Variants in MGAT4C observed in about 807,000 individuals in gnomAD.
MGAT4C encodes alpha-1,3-mannosyl-glycoprotein 4-beta-N-acetylglucosaminyltransferase C.
Under a neutral mutation model 40.1 loss-of-function variants are expected in MGAT4C, and 19 were observed. The observed-to-expected ratio is 0.47, with a 90% CI of 0.33 to 0.70. MGAT4C has a LOEUF of 0.70. Among genes scored for constraint, MGAT4C ranks in the 30% least tolerant of loss-of-function variants. MGAT4C has a pLI of 0.02. For missense variants in MGAT4C, 491 were observed against 563.2 expected (o/e 0.87, Z 1.30); for synonymous variants, 181 against 187.1 (o/e 0.97, Z 0.27).
At position 86,820,351 on chromosome 12, in the gene MGAT4C, A is replaced by C. The variant is rs911737989; in HGVS notation, c.-262+18315T>G. Among the ~76,000 whole-genome samples, 5 of 150,772 alleles carry C rather than the reference A, an allele frequency of 3.3e-5. No homozygotes were observed. The Admixed American group carries it at 3.3e-4, about 10-fold the overall frequency. On this transcript the variant is annotated intron_variant, in intron 1 of 7. Transcript: ENST00000548651. ...TTTTCAGTGACTCAGTATGACAAAG[A>C]CTTCATTTCTACACAAATAACATTT...
Position 86,687,051 on chromosome 12 carries a change from T to C in MGAT4C, c.-229+40158A>G, listed in dbSNP as rs143313256. Among the ~76,000 whole-genome samples, 3 of 152,354 alleles carry C rather than the reference T, an allele frequency of 2.0e-5. No homozygotes were observed. In the East Asian group the frequency reaches 5.8e-4, roughly 29 times the overall value. ...TTATTGCCCTATTCAGGGATTTGAC[T>C]TCTTCCTGGTTTAGTCTTTGGATGA... On this transcript the variant is annotated intron_variant, in intron 2 of 7. Transcript: ENST00000548651.
chr12:86,316,044 G>T (rs1271337594), intron 4 of MGAT4C, among the ~76,000 whole-genome samples: 1 of 76,626 alleles, frequency 1.3e-5, no homozygotes, highest in African/African-American at 5.2e-5. Flanking sequence ...CAGAAGACAT[G>T]AATGGAAATT....
At chr12:86,029,142 T>C (rs1188417660) in intron 2 of MGAT4C, among the ~76,000 whole-genome samples, 1 of 151,932 alleles carries the variant, frequency 6.6e-6, no homozygotes, top group South Asian at 2.1e-4. Context: ...ATAACCATCA[T>C]ATTTAGCTTT....
chr12:86,314,617 ACAATAATCAGTGGCATTTCTGC>A (rs1243764209), intron 4 of MGAT4C, among the ~76,000 whole-genome samples: 3 of 152,268 alleles, frequency 2.0e-5, no homozygotes, highest in Non-Finnish European at 2.9e-5. Flanking sequence ...AAGTCAATGT[ACAATAATCAGTGGCATTTCTGC>A]CAATAATCAG....
At chr12:85,993,394 A>G (rs1002509280) in intron 2 of MGAT4C, among the ~76,000 whole-genome samples, 65 of 152,314 alleles carry the variant, frequency 4.3e-4, no homozygotes, top group African/African-American at 1.4e-3. Flanking sequence ...CCCTCATGAT[A>G]AAATGAGAGA....
At chr12:86,168,381 A>C (rs753680497) in intron 1 of MGAT4C, among the ~76,000 whole-genome samples, 1 of 152,210 alleles carries the variant, frequency 6.6e-6, no homozygotes, top group Non-Finnish European at 1.5e-5. Flanking sequence ...AGCATCACTT[A>C]TTCAGCATTT....
At chr12:86,007,620 T>C (rs1392970345) in intron 2 of MGAT4C, among the ~76,000 whole-genome samples, 2 of 152,040 alleles carry the variant, frequency 1.3e-5, no homozygotes, top group Non-Finnish European at 2.9e-5. Context: ...AAAATGTGTT[T>C]AAACAAACAG....
intron 1 of MGAT4C, among the ~76,000 whole-genome samples, chr12:86,757,489 G>A (rs1470106109): frequency 6.6e-6 from 1 of 152,130 alleles, no homozygotes; most frequent in African/African-American, 2.4e-5. Context: ...AGAGATGCGT[G>A]TGTGTAAATG....
chr12:86,698,540 T>G (rs1447507520), intron 2 of MGAT4C, among the ~76,000 whole-genome samples: 1 of 152,144 alleles, frequency 6.6e-6, no homozygotes, highest in Non-Finnish European at 1.5e-5. Flanking sequence ...CAGCAATATC[T>G]ATATGAAATT....
At chr12:86,661,250 A>G (rs1963972926) in intron 2 of MGAT4C, among the ~76,000 whole-genome samples, 2 of 152,126 alleles carry the variant, frequency 1.3e-5, no homozygotes, top group African/African-American at 2.4e-5. Flanking sequence ...AAAAAAGATT[A>G]GATTTTAAAA....
chr12:86,459,997 T>C (rs972259457), intron 2 of MGAT4C, among the ~76,000 whole-genome samples: 1 of 152,114 alleles, frequency 6.6e-6, no homozygotes, highest in Non-Finnish European at 1.5e-5. Context: ...CAGACATCTT[T>C]AGTAAAGTAT....
intron 4 of MGAT4C, among the ~76,000 whole-genome samples, chr12:86,304,322 A>C (rs1953882925): frequency 6.6e-6 from 1 of 150,596 alleles, no homozygotes; most frequent in Admixed American, 6.6e-5. Flanking sequence ...TTGTGAAACA[A>C]GTTGTTGTTA....
chr12:86,197,690 A>T (rs1055113329), intron 1 of MGAT4C, among the ~76,000 whole-genome samples: 2 of 152,220 alleles, frequency 1.3e-5, no homozygotes, highest in African/African-American at 4.8e-5. Context: ...TCAAACTAAG[A>T]TAGACAGACA....
chr12:86,361,300 T>A (rs1020666466), intron 3 of MGAT4C, among the ~76,000 whole-genome samples: 4 of 152,208 alleles, frequency 2.6e-5, no homozygotes, highest in Non-Finnish European at 5.9e-5. Context: ...AAGCTGAAAC[T>A]GGATCCCTTC....
At chr12:86,094,606 A>T (rs908059427) in intron 1 of MGAT4C, among the ~76,000 whole-genome samples, 3 of 152,162 alleles carry the variant, frequency 2.0e-5, no homozygotes, top group African/African-American at 7.2e-5. Flanking sequence ...ATTATTAAAA[A>T]TAGGATTACA....
intron 3 of MGAT4C, among the ~76,000 whole-genome samples, chr12:86,337,392 T>A (rs1038809229): frequency 2.7e-5 from 4 of 150,844 alleles, no homozygotes; most frequent in Non-Finnish European, 5.9e-5. Flanking sequence ...AGCCTAGGAG[T>A]TCAAGACCAT....
At chr12:86,307,907 G>T (rs1044005151) in intron 4 of MGAT4C, among the ~76,000 whole-genome samples, 4 of 150,218 alleles carry the variant, frequency 2.7e-5, no homozygotes, top group South Asian at 2.1e-4. Context: ...GTTTCACCGT[G>T]TTAGCCAGGA....
At chr12:86,772,259 C>A (rs556862089) in intron 1 of MGAT4C, among the ~76,000 whole-genome samples, 2 of 152,200 alleles carry the variant, frequency 1.3e-5, no homozygotes, top group South Asian at 4.1e-4. Flanking sequence ...ATGGCTTGGA[C>A]GTCTGTGAAT....
At chr12:86,305,294 C>T (rs1341640249) in intron 4 of MGAT4C, among the ~76,000 whole-genome samples, 2 of 149,808 alleles carry the variant, frequency 1.3e-5, no homozygotes, top group Non-Finnish European at 2.9e-5. Flanking sequence ...ACAAAATTAG[C>T]CGGGCATGGT....
Sources: gnomAD v4.1 joint callset for allele counts (sites outside exome capture counted in the v4.1 genomes callset) on GRCh38, gnomAD v4.1.1 for gene constraint, MANE v1.5 for transcripts, NCBI Gene and HGNC (gene_info 2026-07-23, HGNC 2026-07-21) for gene names.